Variants in ANK3 observed in about 807,000 individuals in gnomAD.
ANK3 encodes the protein ankyrin-3.
In ANK3, 57 loss-of-function variants were observed where a neutral mutation model predicts 370.9. That is an observed-to-expected ratio of 0.15 (90% CI 0.12 to 0.19). ANK3 has a LOEUF of 0.19. Ranked by LOEUF, ANK3 falls within the 10% of genes least tolerant of loss-of-function variation. The pLI is 1.00. For missense variants in ANK3, 4,439 were observed against 5,302.1 expected, an observed-to-expected ratio of 0.84 and a Z score of 5.06; for synonymous variants, 1,929 against 1,946.3, an observed-to-expected ratio of 0.99 and a Z score of 0.23.
At chr10:60,356,644 C>T (rs2057789306) in intron 1 of ANK3, among the ~76,000 whole-genome samples, 2 of 152,212 alleles carry the variant, frequency 1.3e-5, no homozygotes, top group Non-Finnish European at 2.9e-5. Context: ...AGTCTCACCT[C>T]ACCTAATATC....
intron 27 of ANK3, among the ~76,000 whole-genome samples, chr10:60,106,387 A>C (rs2092171473): frequency 6.6e-6 from 1 of 152,180 alleles, no homozygotes; most frequent in Admixed American, 6.5e-5. Context: ...AAGTTGGTCC[A>C]TTTTTAAAAG....
At chr10:60,643,553 C>G (rs183800314) in intron 1 of ANK3, among the ~76,000 whole-genome samples, 3 of 143,680 alleles carry the variant, frequency 2.1e-5, no homozygotes, top group Admixed American at 6.9e-5. Context: ...TCCATCCATC[C>G]TATTAGCTCT....
intron 1 of ANK3, among the ~76,000 whole-genome samples, 174 bp from the exon 2 acceptor site, chr10:60,279,813 T>A (rs2098136028): frequency 6.6e-6 from 1 of 152,206 alleles, no homozygotes; most frequent in Non-Finnish European, 1.5e-5. Flanking sequence ...TTTTAAAAGT[T>A]AGTTTCAAGG....
At chr10:60,270,096 G>A (rs201087322) in intron 5 of ANK3, 35 bp downstream of exon 5, 583 of 1,416,374 alleles carry the variant, frequency 4.1e-4, no homozygotes, top group Middle Eastern at 4.1e-3. Flanking sequence ...CTATAAATAC[G>A]TGAACTCACC....
intron 1 of ANK3, among the ~76,000 whole-genome samples, chr10:60,331,561 A>G (rs953688897): frequency 2.1e-5 from 3 of 145,036 alleles, no homozygotes; most frequent in African/African-American, 7.8e-5. Context: ...TGAAGTTAAA[A>G]CAGCCTAATT....
intron 1 of ANK3, among the ~76,000 whole-genome samples, chr10:60,626,813 T>C (rs1010755321): frequency 3.3e-5 from 5 of 152,198 alleles, no homozygotes; most frequent in African/African-American, 1.2e-4. Flanking sequence ...GGCCTAGGGC[T>C]ATATGCCTAT....
At chr10:60,371,679 G>C (rs149095160) in intron 1 of ANK3, among the ~76,000 whole-genome samples, 1 of 152,070 alleles carries the variant, frequency 6.6e-6, no homozygotes, top group African/African-American at 2.4e-5. Context: ...TAGTATCTAA[G>C]GATTCAGTCC....
At chr10:60,136,225 C>T (rs907954058) in intron 24 of ANK3, among the ~76,000 whole-genome samples, 2 of 152,114 alleles carry the variant, frequency 1.3e-5, no homozygotes, top group African/African-American at 4.8e-5. Flanking sequence ...AGAACTTTAT[C>T]CTATGAAGGG....
intron 7 of ANK3, among the ~76,000 whole-genome samples, chr10:60,253,062 T>G (rs762718564): frequency 4.1e-4 from 62 of 152,316 alleles, no homozygotes; most frequent in Middle Eastern, 3.4e-3. Context: ...CATAAATAAC[T>G]ACTCAAGAGC....
In ANK3 at chr10:60,070,983, T is replaced by A; in HGVS notation, c.9898A>T (p.Ile3300Phe). The change falls in exon 37 of 44, where the codon ATT (isoleucine) becomes TTT (phenylalanine). Residue 3300 changes from isoleucine to phenylalanine, a missense_variant. Around this residue, in one of 13 missense-constraint regions of ANK3, gnomAD observed 1,601 missense variants for 1,731.7 expected, o/e 0.92. Coordinates refer to ENST00000280772, the MANE Select transcript of ANK3 (RefSeq NM_020987.5). This position sits in a 1 kb window ranked among gnomAD's most constrained non-coding sequence, Gnocchi z 5.7. ...ACTGGTGAAGGTGGCTGCACTCTAA[T>A]GACAGGTTCAGCCAGCTGGTACTTG... The part of the protein sequence containing the change: ...HDKYQLAEPV[I>F]RVQPPSPVPP... 5 of 1,614,126 alleles carry A rather than the reference T, an allele frequency of 3.1e-6. No individual in the cohort carries two copies. The highest frequency in any genetic ancestry group is 4.2e-6 in the Non-Finnish European group (5 of 1,179,982).
In ANK3 at chr10:60,205,801, A is replaced by G. The variant is rs763667061; in HGVS notation, c.1284T>C (p.Ala428=). The change falls in exon 11 of 44, where the codon GCT becomes GCC. Residue 428 remains alanine, a synonymous_variant. Coordinates refer to ENST00000280772, the MANE Select transcript of ANK3 (RefSeq NM_020987.5). ...LLLKHGASIQ[A]VTESGLTPIH... ...TCTTAACTCTTCTCACCTCGGTTAC[A>G]GCTTGGATGGATGCACCGTGTTTCA... 5 of 1,612,666 alleles carry G rather than the reference A, an allele frequency of 3.1e-6. No individual in the cohort carries two copies. Among genetic ancestry groups the G allele is most frequent in the East Asian group, 4.5e-5 (2 of 44,862 alleles).
chr10:60,635,414 AT>A (rs1167014143), intron 1 of ANK3, among the ~76,000 whole-genome samples: 2 of 152,202 alleles, frequency 1.3e-5, no homozygotes, highest in Non-Finnish European at 2.9e-5. Context: ...CCTAAAAAAA[AT>A]CTATAAAATT....
chr10:60,451,217 C>A (rs1348821960), intron 2 of ANK3, among the ~76,000 whole-genome samples: 2 of 152,160 alleles, frequency 1.3e-5, no homozygotes, highest in African/African-American at 4.8e-5. Flanking sequence ...CACAAGGAAC[C>A]ACCCTTGCAC....
intron 1 of ANK3, among the ~76,000 whole-genome samples, chr10:60,668,630 T>G (rs1453211851): frequency 6.6e-6 from 1 of 151,792 alleles, no homozygotes; most frequent in Non-Finnish European, 1.5e-5. Context: ...TGGGAGGAAG[T>G]TTCAAGCAGG....
chr10:60,489,710 C>T (rs1007119360), intron 2 of ANK3, among the ~76,000 whole-genome samples: 1 of 152,044 alleles, frequency 6.6e-6, no homozygotes, highest in Non-Finnish European at 1.5e-5. Context: ...GTCATATTTG[C>T]ATAATTTTCT....
At chr10:60,515,211 G>A (rs554822079) in intron 2 of ANK3, among the ~76,000 whole-genome samples, 1 of 152,052 alleles carries the variant, frequency 6.6e-6, no homozygotes, top group Non-Finnish European at 1.5e-5. Flanking sequence ...GGCAAACAAG[G>A]GCAGAAATTA....
chr10:60,652,414 G>A (rs567388063), intron 1 of ANK3, among the ~76,000 whole-genome samples: 29 of 151,686 alleles, frequency 1.9e-4, no homozygotes, highest in Admixed American at 1.5e-3. Context: ...AAACAACAAC[G>A]AAAACTATAC....
At chr10:60,412,572 T>C (rs1324647979) in intron 2 of ANK3, among the ~76,000 whole-genome samples, 1 of 152,196 alleles carries the variant, frequency 6.6e-6, no homozygotes, top group Non-Finnish European at 1.5e-5. Context: ...TTTCTGTGTA[T>C]ATTTTCTATT....
At chr10:60,056,271 C>T (rs2079146263) in intron 41 of ANK3, among the ~76,000 whole-genome samples, 1 of 151,888 alleles carries the variant, frequency 6.6e-6, no homozygotes. Context: ...GAGTTCGAGA[C>T]CAGCCTGGCC....
Sources: gnomAD v4.1 joint callset for allele counts (sites outside exome capture counted in the v4.1 genomes callset) on GRCh38, gnomAD v4.1.1 for gene constraint, gnomAD v4.1.1 regional missense constraint, Gnocchi (gnomAD v3.1) non-coding constraint, MANE v1.5 for transcripts, NCBI Gene and HGNC (gene_info 2026-07-23, HGNC 2026-07-21) for gene names.